Variants in TBCE observed in about 807,000 individuals in gnomAD.
TBCE encodes tubulin-specific chaperone E.
A neutral mutation model predicts 77.0 loss-of-function variants in TBCE; 53 were observed. The ratio of observed to expected loss-of-function variants is 0.69; its 90% CI spans 0.55 to 0.87. TBCE has a LOEUF of 0.87. TBCE is among the 40% of genes least tolerant of loss of function. The probability of loss-of-function intolerance (pLI) is 0.00; values close to 1 mark genes in which losing one functional copy is unlikely to be tolerated. For synonymous variants in TBCE, 235 were observed against 241.3 expected (o/e 0.97, Z 0.24); for missense variants, 624 against 622.4 (o/e 1.00, Z -0.03).
chr1:235,418,485 A>G (rs2102889943), intron 4 of TBCE: 1 of 152,366 alleles, frequency 6.6e-6, no homozygotes, highest in East Asian at 1.9e-4. Context: ...GATTCTCTAC[A>G]CTTAACAAAT....
At chr1:235,390,819 G>C (rs982103727) in intron 2 of TBCE, among the ~76,000 whole-genome samples, 12 of 151,678 alleles carry the variant, frequency 7.9e-5, no homozygotes, top group Non-Finnish European at 1.8e-4. Context: ...AGTGTGACGT[G>C]AGAATGTTTC....
chr1:235,404,060 C>A (rs943461285), intron 3 of TBCE, among the ~76,000 whole-genome samples: 2 of 152,172 alleles, frequency 1.3e-5, no homozygotes, highest in Non-Finnish European at 2.9e-5. Flanking sequence ...AGGCGGATCA[C>A]GAGGTCAGGA....
chr1:235,439,428 G>A (rs1395550361), intron 13 of TBCE, among the ~76,000 whole-genome samples: 4 of 149,284 alleles, frequency 2.7e-5, no homozygotes, highest in Admixed American at 6.6e-5. Context: ...CCCGGGGGGC[G>A]GAGCTTGCAG....
chr1:235,390,523 G>A (rs576323152), intron 2 of TBCE, among the ~76,000 whole-genome samples: 3 of 152,100 alleles, frequency 2.0e-5, no homozygotes, highest in East Asian at 1.9e-4. Context: ...AGGCCAAGTC[G>A]GATGGATCAC....
At chr1:235,415,140 TTATTG>T (rs913381347) in intron 4 of TBCE, 1 of 185,882 alleles carries the variant, frequency 5.4e-6, no homozygotes, top group Non-Finnish European at 1.1e-5. Flanking sequence ...CTAATGCATT[TTATTG>T]TATTGTATTG....
chr1:235,377,324 C>T (rs1300236232), intron 1 of TBCE, among the ~76,000 whole-genome samples: 2 of 152,116 alleles, frequency 1.3e-5, no homozygotes, highest in African/African-American at 2.4e-5. Context: ...GGACTACAGG[C>T]GCGCACTACA....
chr1:235,398,669 A>T (rs1678896201), intron 2 of TBCE, among the ~76,000 whole-genome samples: 1 of 142,332 alleles, frequency 7.0e-6, no homozygotes. Context: ...CTCAGGCTGG[A>T]GTGCAGTAGC....
At chr1:235,407,560 C>G (rs1235555540) in intron 3 of TBCE, among the ~76,000 whole-genome samples, 1 of 152,098 alleles carries the variant, frequency 6.6e-6, no homozygotes, top group African/African-American at 2.4e-5. Flanking sequence ...ATAAAACTGG[C>G]TTCAGGTTAC....
chr1:235,426,438 A>T (rs182321476), intron 5 of TBCE, among the ~76,000 whole-genome samples: 1 of 152,154 alleles, frequency 6.6e-6, no homozygotes, highest in South Asian at 2.1e-4. Context: ...GGAGATTCCT[A>T]TGGTAATGGT....
chr1:235,385,583 G>T (rs1558350906), intron 2 of TBCE, among the ~76,000 whole-genome samples: 1 of 152,026 alleles, frequency 6.6e-6, no homozygotes, highest in African/African-American at 2.4e-5. Flanking sequence ...GGCCTTCTTT[G>T]TGTCTTTTGA....
In TBCE at chr1:235,442,888, A is replaced by G; in HGVS notation, c.1376A>G (p.Lys459Arg). The change falls in exon 15 of 17, where the codon AAA (lysine) becomes AGA (arginine). Residue 459 changes from lysine to arginine, a missense_variant. Transcript: ENST00000642610. ...AAATACCCTCATCAACTTGATCAGA[A>G]AGTCCTGGAGAAACAACTGCCGGGT... is the stretch of plus-strand genomic sequence containing the variant. ...KIKYPHQLDQKVLEKQLPGSM... is the reference protein window; with the variant it reads ...KIKYPHQLDQRVLEKQLPGSM... The G allele has an allele frequency of 1.2e-6, 2 of 1,614,062 alleles. No homozygotes were observed. Among genetic ancestry groups the G allele is most frequent in the Non-Finnish European group, 1.7e-6 (2 of 1,179,998 alleles).
At position 235,451,474 on chromosome 1, in the gene TBCE, A is replaced by C. The variant is rs1356778892; in HGVS notation, c.*2712A>C. On this transcript the variant is annotated 3_prime_UTR_variant, in exon 17 of 17. Coordinates refer to ENST00000642610, the MANE Select transcript of TBCE (RefSeq NM_003193.5). ...TTTCCAAAGACATGAGATGGTCACA[A>C]AAAAAAAAAAAAAAAAAAGACCGCA... The C allele has an allele frequency of 2.8e-5, 2 of 71,074 alleles. No homozygotes were observed. The highest frequency in any genetic ancestry group is 7.8e-5 in the African/African-American group (2 of 25,656). 4.4% of individuals were successfully genotyped at this position (71,074 alleles called of 1,614,324 possible). A position where few individuals can be genotyped will look rare whatever the true frequency, so the allele number is the denominator to read the frequency against.
chr1:235,425,922 T>A (rs1185717579), intron 5 of TBCE, among the ~76,000 whole-genome samples: 1 of 152,206 alleles, frequency 6.6e-6, no homozygotes, highest in African/African-American at 2.4e-5. Flanking sequence ...CTTTCCTGCA[T>A]GCCCTGCTCT....
rs146212030 is a variant in TBCE, at chr1:235,430,749, C to T, written c.605C>T (p.Thr202Met). The T allele has an allele frequency of 2.2e-5, 36 of 1,613,520 alleles. No individual in the cohort carries two copies. The highest frequency in any genetic ancestry group is 2.7e-5 in the African/African-American group (2 of 74,862). ...CCCTCCGGTTCAGTATTAACTGGAA[C>T]GCTTTCTGTACTGAAGGTTTTAGTC... Reference protein sequence around the residue: ...KFPSGSVLTGTLSVLKVLVLN... With the variant: ...KFPSGSVLTGMLSVLKVLVLN... The change falls in exon 7 of 17, where the codon ACG (threonine) becomes ATG (methionine). Residue 202 changes from threonine (T) to methionine (M), a missense_variant. By Grantham distance (81) the Thr-to-Met change is moderately conservative (BLOSUM62 -1). Transcript: ENST00000642610.
chr1:235,414,331 T>C (rs1181136424), intron 3 of TBCE, 102 bp from the exon 4 acceptor site: 2 of 1,112,754 alleles, frequency 1.8e-6, no homozygotes, highest in African/African-American at 3.1e-5. Flanking sequence ...CTAATTTTGA[T>C]TTTTTAGCAT....
At chr1:235,427,828 T>C (rs141685321) in intron 6 of TBCE, among the ~76,000 whole-genome samples, 3,435 of 151,756 alleles carry the variant, frequency 0.023, 137 homozygotes, top group African/African-American at 0.078. Context: ...GTAAGGAGTT[T>C]GAGACCAGCC....
intron 2 of TBCE, among the ~76,000 whole-genome samples, chr1:235,384,629 G>A (rs1418542408): frequency 6.6e-6 from 1 of 150,568 alleles, no homozygotes; most frequent in Non-Finnish European, 1.5e-5. Flanking sequence ...ATTCTCTGAT[G>A]GTAGTTTGTA....
intron 7 of TBCE, among the ~76,000 whole-genome samples, chr1:235,432,022 T>A (rs1681131086): frequency 6.6e-6 from 1 of 151,938 alleles, no homozygotes; most frequent in South Asian, 2.1e-4. Context: ...CTCGCTCTGT[T>A]GCCCAAGTTG....
At chr1:235,433,052 TCATCAGTGCCAAGGACCACA>T in intron 7 of TBCE, 1 of 1,552,902 alleles carries the variant, frequency 6.4e-7, no homozygotes, top group Non-Finnish European at 8.6e-7. Context: ...AGCAACTGCA[TCATCAGTGCCAAGGACCACA>T]CATCCATGCG....
Sources: allele counts gnomAD v4.1 joint callset (sites outside exome capture counted in the v4.1 genomes callset), GRCh38; gene constraint gnomAD v4.1.1; transcripts MANE v1.5; gene names NCBI Gene and HGNC (gene_info 2026-07-23, HGNC 2026-07-21).